Variants in TRPM6 observed in about 807,000 individuals in gnomAD.
The protein encoded by TRPM6 is channel kinase 2.
In TRPM6, 111 loss-of-function variants were observed where a neutral mutation model predicts 247.6. The ratio of observed to expected loss-of-function variants is 0.45; its 90% CI spans 0.38 to 0.52. The LOEUF (loss-of-function observed/expected upper bound fraction) is 0.52. TRPM6 is among the 20% of genes least tolerant of loss of function. TRPM6 has a pLI of 0.00. For missense variants in TRPM6, 2,126 were observed against 2,421.5 expected (o/e 0.88, Z 2.56); for synonymous variants, 892 against 853.8 (o/e 1.04, Z -0.78).
At position 74,752,299 on chromosome 9, in the gene TRPM6, T is replaced by C. The variant is rs758291449; in HGVS notation, c.4976A>G (p.Asp1659Gly). 1.3e-6 allele frequency: 2 copies of C among 1,597,994 alleles called. No homozygotes were observed. Among genetic ancestry groups the C allele is most frequent in the Admixed American group, 1.7e-5 (1 of 59,680 alleles). The change falls in exon 29 of 39, where the codon GAT becomes GGT. Residue 1659 changes from aspartate (D) to glycine (G), a missense_variant. By Grantham distance (94) the Asp-to-Gly change is moderately conservative. Coordinates refer to ENST00000360774, the MANE Select transcript of TRPM6 (RefSeq NM_017662.5). ...EIGQCAIQIS[D>G]YLKQSQEDLS... Reference sequence around the variant, plus strand: ...TACCTCTTGAGACTGCTTTAGGTAATCACTGATTTGTATAGCACATTGTCC... The same window carrying C: ...TACCTCTTGAGACTGCTTTAGGTAACCACTGATTTGTATAGCACATTGTCC...
intron 14 of TRPM6, 55 bp from the exon 15 acceptor site, chr9:74,803,941 T>G (rs1828437414): frequency 1.7e-6 from 2 of 1,144,710 alleles, no homozygotes; most frequent in Admixed American, 3.4e-5. Flanking sequence ...TTATTTTATT[T>G]TTAAAATAAA....
chr9:74,785,793 G>A (rs1350560674), intron 21 of TRPM6, 81 bp downstream of exon 21: 10 of 1,531,588 alleles, frequency 6.5e-6, no homozygotes, highest in African/African-American at 1.4e-5. Context: ...AAAGTGCTGG[G>A]ATTACAGGTG....
chr9:74,852,744 C>G (rs1336771514), intron 3 of TRPM6, among the ~76,000 whole-genome samples: 2 of 152,214 alleles, frequency 1.3e-5, no homozygotes, highest in African/African-American at 4.8e-5. Flanking sequence ...CTGCCCGCCT[C>G]GGCCTCCCGA....
chr9:74,884,159 A>G (rs191464515), intron 1 of TRPM6, among the ~76,000 whole-genome samples: 2 of 152,160 alleles, frequency 1.3e-5, no homozygotes, highest in Non-Finnish European at 2.9e-5. Flanking sequence ...CAAAAAATAA[A>G]GTAAATAAAT....
chr9:74,777,305 G>GT (rs1554696712), intron 23 of TRPM6, among the ~76,000 whole-genome samples: 8 of 151,980 alleles, frequency 5.3e-5, no homozygotes, highest in Non-Finnish European at 1.0e-4. Flanking sequence ...GTTGGTTTTT[G>GT]TTTTTTTCAA....
intron 3 of TRPM6, among the ~76,000 whole-genome samples, chr9:74,843,532 G>A (rs1380266598): frequency 6.6e-6 from 1 of 152,146 alleles, no homozygotes; most frequent in Non-Finnish European, 1.5e-5. Context: ...TTGAAGGCCA[G>A]GTGCGGTGGC....
rs569435988 is a variant in TRPM6 at position 74,801,795 on chromosome 9, G to C, written c.2009+103C>G. On this transcript the variant is annotated intron_variant, in intron 16 of 38. Transcript: ENST00000360774. Reference sequence around the variant, plus strand: ...AGGAGAGTCCATAAAATGCATGGCGGTAAGTCCATTTGTCCTACAAGTTTA... The same window carrying C: ...AGGAGAGTCCATAAAATGCATGGCGCTAAGTCCATTTGTCCTACAAGTTTA... 4.8e-5 allele frequency: 68 copies of C among 1,416,780 alleles called. 1 individual carries two copies. The South Asian group carries it at 7.0e-4, about 15-fold the overall frequency. The allele number at this position is 1,416,780 out of a possible 1,614,324, so 87.8% of individuals were successfully genotyped here.
At chr9:74,842,969 T>C (rs1186775600) in intron 3 of TRPM6, among the ~76,000 whole-genome samples, 1 of 152,208 alleles carries the variant, frequency 6.6e-6, no homozygotes, top group Non-Finnish European at 1.5e-5. Flanking sequence ...CACAAAAGAT[T>C]TCTCTGTAGC....
At chr9:74,797,247 AT>A (rs1481742308) in intron 17 of TRPM6, among the ~76,000 whole-genome samples, 1 of 152,226 alleles carries the variant, frequency 6.6e-6, no homozygotes, top group African/African-American at 2.4e-5. Flanking sequence ...GTTGAATATA[AT>A]GAAAAGGTAG....
At chr9:74,825,490 T>C (rs1243673029) in intron 7 of TRPM6, among the ~76,000 whole-genome samples, 1 of 151,972 alleles carries the variant, frequency 6.6e-6, no homozygotes, top group African/African-American at 2.4e-5. Context: ...TGTGTATGTG[T>C]GTGTGTATAG....
chr9:74,780,000 T>C (rs1476378957), intron 23 of TRPM6, among the ~76,000 whole-genome samples: 1 of 151,760 alleles, frequency 6.6e-6, no homozygotes, highest in Non-Finnish European at 1.5e-5. Flanking sequence ...GGTGAAACTC[T>C]GTCTCTACTA....
chr9:74,839,746 A>T (rs902948340), intron 5 of TRPM6, among the ~76,000 whole-genome samples: 3 of 151,962 alleles, frequency 2.0e-5, no homozygotes, highest in African/African-American at 7.3e-5. Context: ...TAGGATTTTC[A>T]TCTTTCTTCC....
intron 14 of TRPM6, among the ~76,000 whole-genome samples, chr9:74,807,418 G>A (rs1222614784): frequency 6.6e-6 from 1 of 152,110 alleles, no homozygotes; most frequent in Non-Finnish European, 1.5e-5. Context: ...ATAAGAATGA[G>A]TCTCCTCAGG....
At chr9:74,809,777 G>A (rs533985992) in intron 13 of TRPM6, among the ~76,000 whole-genome samples, 37 of 152,004 alleles carry the variant, frequency 2.4e-4, no homozygotes, top group Non-Finnish European at 4.6e-4. Context: ...TCAGGAGTTC[G>A]AGACCAGCCT....
In TRPM6 at chr9:74,801,908, T is replaced by A. The variant is rs751404976; in HGVS notation, c.1999A>T (p.Asn667Tyr). ...MVDDASEELK[N>Y]YSKQFGQLAL... ...AGAGAGAACACTTACTTTGAGTAAT[T>A]CTTCAACTCTTCTGAGGCATCATCC... Residue 667 changes from asparagine to tyrosine, a missense_variant, in exon 16 of 39, where the codon AAT becomes TAT. This residue lies in a region of TRPM6 where 1,082 missense variants were observed against 1,307.9 expected (regional missense o/e 0.83). Coordinates refer to ENST00000360774, the MANE Select transcript of TRPM6 (RefSeq NM_017662.5). 2 of 1,614,214 alleles carry A rather than the reference T, an allele frequency of 1.2e-6. No homozygotes were observed. Among genetic ancestry groups the A allele is most frequent in the Non-Finnish European group, 1.7e-6 (2 of 1,180,032 alleles).
intron 37 of TRPM6, 40 bp from the exon 38 acceptor site, chr9:74,728,385 G>C: frequency 7.1e-7 from 1 of 1,417,184 alleles, no homozygotes; most frequent in South Asian, 1.2e-5. Context: ...TCACAGCTAA[G>C]AAAAAGGAGC....
At position 74,840,139 on chromosome 9, in the gene TRPM6, A is replaced by C. The variant is rs751936618; in HGVS notation, c.429T>G (p.His143Gln). Residue 143 changes from histidine to glutamine, a missense_variant, in exon 5 of 39, where the codon CAT becomes CAG. His to Gln is a conservative substitution (Grantham distance 24, BLOSUM62 0). Transcript: ENST00000360774. ...GCATAGTAAAGTTCTGGATGCCCCC[A>C]TGGACTGAGATCACAAGCTTGGGCA... Reference protein sequence around the residue: ...MELPKLVISVHGGIQNFTMPS... With the variant: ...MELPKLVISVQGGIQNFTMPS... 5 of 1,613,952 alleles carry C rather than the reference A, an allele frequency of 3.1e-6. No individual in the cohort carries two copies. Among genetic ancestry groups the C allele is most frequent in the Admixed American group, 1.7e-5 (1 of 60,018 alleles).
At chr9:74,816,609 C>A in intron 11 of TRPM6, 60 bp downstream of exon 11, 1 of 1,383,344 alleles carries the variant, frequency 7.2e-7, no homozygotes, top group Non-Finnish European at 1.0e-6. Flanking sequence ...TCTCTTTTGC[C>A]CCTTCCTAAC....
chr9:74,724,904 A>T (rs1825264911), intron 38 of TRPM6, among the ~76,000 whole-genome samples, 158 bp from the exon 39 acceptor site: 1 of 152,164 alleles, frequency 6.6e-6, no homozygotes, highest in Non-Finnish European at 1.5e-5. Flanking sequence ...TGTCTAGATT[A>T]AGCCTCCTTT....
Sources: gnomAD v4.1 joint callset for allele counts (sites outside exome capture counted in the v4.1 genomes callset) on GRCh38, gnomAD v4.1.1 for gene constraint, gnomAD v4.1.1 regional missense constraint, MANE v1.5 for transcripts, NCBI Gene and HGNC (gene_info 2026-07-23, HGNC 2026-07-21) for gene names.